Variants in FBXL7 observed in about 807,000 individuals in gnomAD.
FBXL7 encodes F-box and leucine rich repeat protein 7.
In FBXL7, 12 loss-of-function variants were observed where a neutral mutation model predicts 38.3. The observed-to-expected ratio is 0.31, with a 90% CI of 0.20 to 0.51. The LOEUF (loss-of-function observed/expected upper bound fraction) is 0.51. Ranked by LOEUF, FBXL7 falls within the 20% of genes least tolerant of loss-of-function variation. The pLI is 0.98. For missense variants in FBXL7, 567 were observed against 676.4 expected, an observed-to-expected ratio of 0.84 and a Z score of 1.79; for synonymous variants, 297 against 300.9, an observed-to-expected ratio of 0.99 and a Z score of 0.13.
At chr5:15,632,178 A>G (rs911003366) in intron 2 of FBXL7, among the ~76,000 whole-genome samples, 2 of 152,216 alleles carry the variant, frequency 1.3e-5, no homozygotes, top group Non-Finnish European at 2.9e-5. Context: ...TAATCATCAA[A>G]TGGGGATATA....
chr5:15,535,117 A>G (rs1004629839), intron 1 of FBXL7, among the ~76,000 whole-genome samples: 1 of 152,178 alleles, frequency 6.6e-6, no homozygotes, highest in African/African-American at 2.4e-5. Context: ...GCCTTCTGCC[A>G]TGATTGTAAG....
chr5:15,538,815 G>A (rs1039540325), intron 1 of FBXL7, among the ~76,000 whole-genome samples: 1 of 152,192 alleles, frequency 6.6e-6, no homozygotes, highest in African/African-American at 2.4e-5. Flanking sequence ...CAGCCAAAAC[G>A]TGGGAGAAAT....
rs547012187 is a variant in FBXL7, at chr5:15,693,876, T to C, written c.127+77804T>C. ...GGCTCCCCATCCATCTGCTGAGTGC[T>C]ACTTCCACCATTCAATAAAACCTTG... is the stretch of plus-strand genomic sequence containing the variant. On this transcript the variant is annotated intron_variant, in intron 2 of 3. Transcript: ENST00000504595. 2.6e-5 allele frequency among the ~76,000 whole-genome samples: 4 copies of C among 152,304 alleles called. No homozygotes were observed. The East Asian group carries it at 7.7e-4, about 29-fold the overall frequency.
intron 2 of FBXL7, among the ~76,000 whole-genome samples, chr5:15,737,017 C>A (rs1460990762): frequency 1.3e-5 from 2 of 152,122 alleles, no homozygotes; most frequent in African/African-American, 4.8e-5. Context: ...AGTTATCCTT[C>A]CATTTCATCA....
intron 2 of FBXL7, among the ~76,000 whole-genome samples, chr5:15,840,762 G>A (rs1205083956): frequency 4.0e-5 from 6 of 148,980 alleles, no homozygotes; most frequent in Non-Finnish European, 8.8e-5. Flanking sequence ...CAGGAGAATC[G>A]CTTGAACCCA....
intron 2 of FBXL7, among the ~76,000 whole-genome samples, chr5:15,707,447 G>A (rs1222557651): frequency 2.0e-5 from 3 of 152,040 alleles, no homozygotes; most frequent in African/African-American, 4.8e-5. Context: ...TCAGGATAAG[G>A]ACATTACATA....
intron 2 of FBXL7, among the ~76,000 whole-genome samples, chr5:15,879,994 G>T (rs1341857426): frequency 5.9e-5 from 9 of 152,018 alleles, no homozygotes; most frequent in Admixed American, 5.9e-4. Context: ...AGAGTGTTGG[G>T]TCAATCACTA....
At chr5:15,717,242 A>G (rs1012488574) in intron 2 of FBXL7, among the ~76,000 whole-genome samples, 2 of 152,080 alleles carry the variant, frequency 1.3e-5, no homozygotes, top group Admixed American at 6.6e-5. Context: ...TGCGTTTGGA[A>G]ATGTTTTTCT....
intron 2 of FBXL7, among the ~76,000 whole-genome samples, chr5:15,729,061 A>G (rs1662281759): frequency 6.6e-6 from 1 of 152,160 alleles, no homozygotes; most frequent in African/African-American, 2.4e-5. Flanking sequence ...ATTTAATTAA[A>G]TGAGAAAAGG....
At chr5:15,751,684 A>T (rs368359377) in intron 2 of FBXL7, among the ~76,000 whole-genome samples, 8 of 152,206 alleles carry the variant, frequency 5.3e-5, no homozygotes, top group East Asian at 3.9e-4. Context: ...TTCATTGTCG[A>T]TTTTTAATAA....
At chr5:15,639,762 T>G (rs910727956) in intron 2 of FBXL7, among the ~76,000 whole-genome samples, 1 of 151,582 alleles carries the variant, frequency 6.6e-6, no homozygotes, top group African/African-American at 2.4e-5. Context: ...TGGAAAATGC[T>G]CAATGAACAT....
At chr5:15,528,213 C>T (rs1184970979) in intron 1 of FBXL7, among the ~76,000 whole-genome samples, 1 of 152,156 alleles carries the variant, frequency 6.6e-6, no homozygotes, top group East Asian at 1.9e-4. Flanking sequence ...AGATTATCTA[C>T]AGGGAAACTT....
chr5:15,773,882 A>C (rs188544388), intron 2 of FBXL7, among the ~76,000 whole-genome samples: 45 of 152,296 alleles, frequency 3.0e-4, no homozygotes, highest in Admixed American at 2.6e-3. Context: ...TAAGCAAATG[A>C]ATAGAAGAAA....
intron 2 of FBXL7, among the ~76,000 whole-genome samples, chr5:15,794,839 G>C (rs991906769): frequency 6.6e-6 from 1 of 152,060 alleles, no homozygotes; most frequent in Non-Finnish European, 1.5e-5. Context: ...GAGGGGAGAG[G>C]CGAAAAAAAC....
intron 1 of FBXL7, among the ~76,000 whole-genome samples, chr5:15,532,371 A>G (rs540877164): frequency 6.6e-6 from 1 of 152,356 alleles, no homozygotes; most frequent in Admixed American, 6.5e-5. Flanking sequence ...TGTTAAGAGG[A>G]AGAAGCTGTG....
intron 1 of FBXL7, among the ~76,000 whole-genome samples, chr5:15,536,015 T>C (rs1352819352): frequency 1.3e-5 from 2 of 152,198 alleles, no homozygotes; most frequent in Non-Finnish European, 2.9e-5. Flanking sequence ...ACTGAGCATC[T>C]TACCTCCCAC....
At chr5:15,577,802 C>G (rs561501805) in intron 1 of FBXL7, among the ~76,000 whole-genome samples, 2 of 152,280 alleles carry the variant, frequency 1.3e-5, no homozygotes, top group Admixed American at 1.3e-4. Context: ...ACTCTGCCTT[C>G]CTGCTTTAAT....
At chr5:15,501,406 T>C (rs1212788254) in intron 1 of FBXL7, 6 of 985,394 alleles carry the variant, frequency 6.1e-6, no homozygotes, top group Non-Finnish European at 7.2e-6. Context: ...GGTTGGCTTC[T>C]CCCTTCTCTC....
intron 1 of FBXL7, among the ~76,000 whole-genome samples, chr5:15,580,164 C>T (rs1014372229): frequency 2.6e-5 from 4 of 152,092 alleles, no homozygotes; most frequent in African/African-American, 9.7e-5. Context: ...GAGACCAGAG[C>T]TCCCCTCTCT....
Sources: allele counts gnomAD v4.1 joint callset (sites outside exome capture counted in the v4.1 genomes callset), GRCh38; gene constraint gnomAD v4.1.1; transcripts MANE v1.5; gene names NCBI Gene and HGNC (gene_info 2026-07-23, HGNC 2026-07-21).